Variants in SYTL5 observed in about 807,000 individuals in gnomAD.
The protein encoded by SYTL5 is synaptotagmin like 5, also known as synaptotagmin-like protein 5.
Under a neutral mutation model 55.9 loss-of-function variants are expected in SYTL5, and 34 were observed. The observed-to-expected ratio is 0.61, with a 90% CI of 0.46 to 0.81. The LOEUF (loss-of-function observed/expected upper bound fraction) is 0.81, where lower values mean the gene tolerates loss of function less well. Ranked by LOEUF, SYTL5 falls within the 30% of genes least tolerant of loss-of-function variation. SYTL5 has a pLI of 0.00. For missense variants in SYTL5, 637 were observed against 546.7 expected, an observed-to-expected ratio of 1.17 and a Z score of -1.65; for synonymous variants, 221 against 188.7, an observed-to-expected ratio of 1.17 and a Z score of -1.40.
At chrX:38,102,232 AT>A in intron 9 of SYTL5, 109 bp from the exon 10 acceptor site, 1 of 506,448 alleles carries the variant, frequency 2.0e-6, no homozygotes, top group Non-Finnish European at 3.3e-6. Flanking sequence ...ATTTCTAGAA[AT>A]TTTTTATCTG....
At chrX:38,045,576 G>A (rs1456512460) in intron 2 of SYTL5, among the ~76,000 whole-genome samples, 1 of 111,815 alleles carries the variant, frequency 8.9e-6, no homozygotes, top group African/African-American at 3.2e-5. Flanking sequence ...AGTTTCTTCT[G>A]CAGATATGAA....
intron 3 of SYTL5, among the ~76,000 whole-genome samples, chrX:38,059,987 A>G (rs1935900212): frequency 9.0e-6 from 1 of 111,610 alleles, no homozygotes; most frequent in Non-Finnish European, 1.9e-5. Flanking sequence ...CTTAGACAAC[A>G]GTAACCAGGG....
At chrX:37,894,559 T>G in the SYTL5 span, among the ~76,000 whole-genome samples, 1 of 111,934 alleles carries the variant, frequency 8.9e-6, no homozygotes, top group African/African-American at 3.3e-5. Flanking sequence ...GTTAATGCAT[T>G]GTGAGCATAG....
At chrX:37,912,661 TTAAG>T in the SYTL5 span, among the ~76,000 whole-genome samples, 1 of 112,265 alleles carries the variant, frequency 8.9e-6, no homozygotes, top group African/African-American at 3.2e-5. Flanking sequence ...CTAGCATTTA[TTAAG>T]TATTTTCTGC....
chrX:38,082,339 T>A (rs1192141355), intron 6 of SYTL5, among the ~76,000 whole-genome samples: 2 of 112,287 alleles, frequency 1.8e-5, no homozygotes, highest in Admixed American at 9.5e-5. Flanking sequence ...ATATGTATTA[T>A]GTGACATGTT....
chrX:38,053,171 C>T (rs747088722), intron 2 of SYTL5, among the ~76,000 whole-genome samples: 14 of 112,424 alleles, frequency 1.2e-4, no homozygotes, highest in African/African-American at 3.6e-4. Flanking sequence ...GGGTCTAAGG[C>T]AGTGCCTGAG....
chrX:37,897,595 T>C, the SYTL5 span, among the ~76,000 whole-genome samples: 1 of 111,450 alleles, frequency 9.0e-6, no homozygotes, highest in Non-Finnish European at 1.9e-5. Flanking sequence ...TGACATGAGC[T>C]GAACCGATCA....
chrX:38,007,655 A>G (rs969891244), intron 1 of SYTL5, among the ~76,000 whole-genome samples: 6 of 111,597 alleles, frequency 5.4e-5, no homozygotes, highest in Non-Finnish European at 1.1e-4. Context: ...TAAGTTGTTT[A>G]TATGTTATTT....
rs1936744080 is a variant in SYTL5, at chrX:38,089,548, A to C, written c.792A>C (p.Pro264=). ...NGVTPGTQSS[P]APSTRTVTSV... is the part of the protein sequence containing the mutation. ...TGACCCCAGGCACTCAGAGTTCACC[A>C]GCCCCAAGCACACGAACTGTGACCT... Residue 264 remains proline (P), a synonymous_variant, in exon 7 of 17, where the codon CCA becomes CCC. Coordinates refer to ENST00000297875, the MANE Select transcript of SYTL5 (RefSeq NM_138780.3). 3.3e-6 allele frequency: 4 copies of C among 1,209,123 alleles called. No homozygotes were observed. In the African/African-American group the frequency reaches 7.0e-5, roughly 21 times the overall value.
the SYTL5 span, among the ~76,000 whole-genome samples, chrX:37,964,186 T>C: frequency 8.1e-5 from 9 of 111,653 alleles, no homozygotes; most frequent in Non-Finnish European, 1.7e-4. Context: ...CCCTTGCCCC[T>C]TCCATTATGC....
In SYTL5 at chrX:38,094,397, G is replaced by A; in HGVS notation, c.934G>A (p.Ala312Thr). 8.3e-7 allele frequency: 1 copy of A among 1,202,656 alleles called. No individual in the cohort carries two copies. Residue 312 changes from alanine (A) to threonine (T), a missense_variant, in exon 8 of 17, where the codon GCA becomes ACA. Transcript: ENST00000297875. ...AAACACTTCTGGCACACCTTCCATA[G>A]CAGTGTCTGGAACCTCTCTCTCCTC... ...RRNTSGTPSI[A>T]VSGTSLSSDQ... is the part of the protein sequence containing the mutation.
chrX:37,942,908 C>T, the SYTL5 span, among the ~76,000 whole-genome samples: 2 of 111,564 alleles, frequency 1.8e-5, no homozygotes, highest in Admixed American at 9.6e-5. Flanking sequence ...GCTTTCATCC[C>T]TTCCTCCCTT....
chrX:37,985,979 C>A, the SYTL5 span, among the ~76,000 whole-genome samples: 1 of 110,585 alleles, frequency 9.0e-6, no homozygotes, highest in African/African-American at 3.3e-5. Flanking sequence ...GAAATTGGAC[C>A]CTTACCTTAG....
chrX:37,943,396 G>A, the SYTL5 span, among the ~76,000 whole-genome samples: 3 of 111,603 alleles, frequency 2.7e-5, no homozygotes, highest in African/African-American at 9.8e-5. Context: ...TGAAATGGGG[G>A]AAGGAGACTG....
At chrX:37,995,455 T>C in the SYTL5 span, among the ~76,000 whole-genome samples, 11,234 of 111,588 alleles carry the variant, frequency 0.1, 584 homozygotes, top group South Asian at 0.15. Flanking sequence ...CACTGAACCT[T>C]ATATTCCCAG....
chrX:38,009,747 G>C (rs555984562), intron 1 of SYTL5, among the ~76,000 whole-genome samples: 5 of 111,168 alleles, frequency 4.5e-5, no homozygotes, highest in Admixed American at 9.6e-5. Context: ...AGAATCATTG[G>C]GGTAGTGAAA....
At chrX:37,919,534 G>T in the SYTL5 span, among the ~76,000 whole-genome samples, 1 of 111,888 alleles carries the variant, frequency 8.9e-6, no homozygotes, top group East Asian at 2.8e-4. Flanking sequence ...ATATTAGGCT[G>T]ATACATTGTA....
intron 3 of SYTL5, among the ~76,000 whole-genome samples, chrX:38,056,143 C>G (rs1458555980): frequency 8.9e-6 from 1 of 111,857 alleles, no homozygotes; most frequent in Non-Finnish European, 1.9e-5. Flanking sequence ...TGGTAACCAT[C>G]CTTCCACTCT....
At chrX:38,093,451 A>C (rs778906659) in intron 7 of SYTL5, among the ~76,000 whole-genome samples, 26 of 111,953 alleles carry the variant, frequency 2.3e-4, no homozygotes, top group African/African-American at 8.4e-4. Flanking sequence ...AGTTCTGGAA[A>C]GGTCCAAAAT....
Sources: gnomAD v4.1 joint callset for allele counts (sites outside exome capture counted in the v4.1 genomes callset) on GRCh38, gnomAD v4.1.1 for gene constraint, MANE v1.5 for transcripts, NCBI Gene and HGNC (gene_info 2026-07-23, HGNC 2026-07-21) for gene names.